RBM47: variants seen among roughly 807,000 people sequenced by gnomAD.
RBM47 encodes the protein RNA-binding protein 47.
Under a neutral mutation model 47.1 loss-of-function variants are expected in RBM47, and 21 were observed. The ratio of observed to expected loss-of-function variants is 0.45; its 90% CI spans 0.32 to 0.64. RBM47 has a LOEUF of 0.64. RBM47 is among the 30% of genes least tolerant of loss of function. The pLI, the probability that RBM47 is intolerant of heterozygous loss-of-function variation, is 0.05. For missense variants in RBM47, 708 were observed against 870.9 expected, an observed-to-expected ratio of 0.81 and a Z score of 2.35; for synonymous variants, 375 against 361.7, an observed-to-expected ratio of 1.04 and a Z score of -0.42.
chr4:40,443,578 G>A lies in RBM47; in HGVS notation c.-31-4654C>T, dbSNP rs559662342. Among the ~76,000 whole-genome samples, 3 of 151,852 alleles carry A rather than the reference G, an allele frequency of 2.0e-5. No individual in the cohort carries two copies. The East Asian group carries it at 5.8e-4, about 30-fold the overall frequency. On this transcript the variant is annotated intron_variant, in intron 3 of 6. Coordinates refer to ENST00000295971, the MANE Select transcript of RBM47 (RefSeq NM_001098634.2). ...AATAAAAATACAAAATTAGCTGGGC[G>A]TGGTGGCACATGCCTGTAATCTCAG...
chr4:40,474,132 G>A (rs917624064), intron 2 of RBM47, among the ~76,000 whole-genome samples: 1 of 152,180 alleles, frequency 6.6e-6, no homozygotes, highest in African/African-American at 2.4e-5. Flanking sequence ...CCTCTGTGCA[G>A]AAGTGGAAAA....
rs1006733206 is a variant in RBM47 at position 40,628,038 on chromosome 4, C to T, written c.-240+1358G>A. 6.6e-6 allele frequency among the ~76,000 whole-genome samples: 1 copy of T among 152,106 alleles called. No homozygotes were observed. On this transcript the variant is annotated intron_variant, in intron 1 of 6. Coordinates refer to ENST00000295971, the MANE Select transcript of RBM47 (RefSeq NM_001098634.2). The surrounding 1 kb of genome is among the most constrained non-coding windows in gnomAD (Gnocchi z 4.0). Reference sequence around the variant, plus strand: ...TTAATTTAAAGCATGGCCTACCTAGCCAGGTAAAGGACGGCACAGCTAGGC... The same window carrying T: ...TTAATTTAAAGCATGGCCTACCTAGTCAGGTAAAGGACGGCACAGCTAGGC...
intron 1 of RBM47, among the ~76,000 whole-genome samples, chr4:40,556,903 T>C (rs1730149490): frequency 6.8e-6 from 1 of 148,042 alleles, no homozygotes. Flanking sequence ...AAAATATATA[T>C]ATATACATTT....
intron 6 of RBM47, among the ~76,000 whole-genome samples, chr4:40,432,164 C>T (rs145327057): frequency 9.2e-5 from 14 of 151,640 alleles, no homozygotes; most frequent in East Asian, 1.9e-4. Context: ...CAAAATTTTA[C>T]GTATCTATAC....
At chr4:40,435,626 G>A (rs188949689) in intron 5 of RBM47, among the ~76,000 whole-genome samples, 39 of 152,272 alleles carry the variant, frequency 2.6e-4, no homozygotes, top group African/African-American at 9.4e-4. Flanking sequence ...GACAAAAGGT[G>A]CTGCTTACTC....
chr4:40,532,809 A>C (rs763020219), intron 2 of RBM47, among the ~76,000 whole-genome samples: 4 of 152,036 alleles, frequency 2.6e-5, no homozygotes, highest in Non-Finnish European at 5.9e-5. Context: ...AGTGAACATC[A>C]CATATAAATA....
At chr4:40,577,108 C>T (rs753877840) in intron 1 of RBM47, among the ~76,000 whole-genome samples, 13 of 152,156 alleles carry the variant, frequency 8.5e-5, no homozygotes, top group Admixed American at 2.0e-4. Context: ...CTGAGGGTCA[C>T]GTGCTAAAGA....
At chr4:40,597,511 G>A (rs1181707145) in intron 1 of RBM47, among the ~76,000 whole-genome samples, 1 of 151,936 alleles carries the variant, frequency 6.6e-6, no homozygotes, top group Non-Finnish European at 1.5e-5. Flanking sequence ...GAACCCAGGA[G>A]GCGGAGGTTG....
intron 1 of RBM47, among the ~76,000 whole-genome samples, chr4:40,617,601 C>T (rs1736869685): frequency 6.6e-6 from 1 of 151,390 alleles, no homozygotes; most frequent in African/African-American, 2.4e-5. Flanking sequence ...AAATTAAGTA[C>T]ATATACATGC....
chr4:40,460,120 C>G (rs1346474950), intron 3 of RBM47, among the ~76,000 whole-genome samples: 2 of 152,176 alleles, frequency 1.3e-5, no homozygotes, highest in African/African-American at 4.8e-5. Context: ...CCACACCAAC[C>G]CCTAATGGAT....
chr4:40,466,265 CAAAAAA>C (rs55805915), intron 3 of RBM47, among the ~76,000 whole-genome samples: 2 of 91,664 alleles, frequency 2.2e-5, no homozygotes, highest in Non-Finnish European at 4.4e-5. Context: ...GAGACTGTCT[CAAAAAA>C]AAAAAAAAAA....
chr4:40,608,885 T>C (rs978308201), intron 1 of RBM47, among the ~76,000 whole-genome samples: 1 of 152,194 alleles, frequency 6.6e-6, no homozygotes, highest in Non-Finnish European at 1.5e-5. Flanking sequence ...TTCCTTAGAG[T>C]TGGCCCACTC....
intron 2 of RBM47, among the ~76,000 whole-genome samples, chr4:40,536,435 C>T (rs1374642376): frequency 1.3e-5 from 2 of 152,238 alleles, no homozygotes; most frequent in South Asian, 2.1e-4. Flanking sequence ...CTACCAATTT[C>T]GGCTTCATAA....
chr4:40,499,649 C>T (rs1257680564), intron 2 of RBM47, among the ~76,000 whole-genome samples: 2 of 152,086 alleles, frequency 1.3e-5, no homozygotes, highest in Non-Finnish European at 2.9e-5. Flanking sequence ...ACCTCATGAT[C>T]CTGCTGCCTC....
chr4:40,592,714 G>A (rs13107150), intron 1 of RBM47, among the ~76,000 whole-genome samples: 2 of 149,310 alleles, frequency 1.3e-5, no homozygotes, highest in South Asian at 2.1e-4. Flanking sequence ...ATGAGCCACC[G>A]CGCCTGGCCA....
At chr4:40,613,135 T>C (rs1458138924) in intron 1 of RBM47, among the ~76,000 whole-genome samples, 3 of 152,214 alleles carry the variant, frequency 2.0e-5, no homozygotes, top group East Asian at 3.8e-4. Flanking sequence ...AATATAAGTG[T>C]CTCGCCATGA....
chr4:40,577,524 T>G (rs1344006835), intron 1 of RBM47, among the ~76,000 whole-genome samples: 1 of 151,586 alleles, frequency 6.6e-6, no homozygotes, highest in African/African-American at 2.4e-5. Context: ...AATGGGTACC[T>G]GGTTAGATTC....
chr4:40,446,390 A>G (rs79214781), intron 3 of RBM47, among the ~76,000 whole-genome samples: 1,763 of 152,220 alleles, frequency 0.012, 30 homozygotes, highest in Middle Eastern at 0.031. Context: ...GATTTGTGTA[A>G]AGTTCTTAGT....
At chr4:40,579,950 G>A (rs1732724820) in intron 1 of RBM47, among the ~76,000 whole-genome samples, 1 of 152,006 alleles carries the variant, frequency 6.6e-6, no homozygotes, top group African/African-American at 2.4e-5. Flanking sequence ...TAGAGACAGG[G>A]TCTCGCCTTG....
Sources: allele counts gnomAD v4.1 joint callset (sites outside exome capture counted in the v4.1 genomes callset), GRCh38; gene constraint gnomAD v4.1.1; non-coding constraint Gnocchi (gnomAD v3.1); transcripts MANE v1.5; gene names NCBI Gene and HGNC (gene_info 2026-07-23, HGNC 2026-07-21).